NKAIN3: variants seen among roughly 807,000 people sequenced by gnomAD.
NKAIN3 encodes the protein sodium/potassium-transporting ATPase subunit beta-1-interacting protein 3.
In NKAIN3, 25 loss-of-function variants were observed where a neutral mutation model predicts 30.2. That is an observed-to-expected ratio of 0.83 (90% CI 0.60 to 1.16). The LOEUF is 1.16. NKAIN3 is among the 50% of genes most tolerant of loss of function. The pLI is 0.00. For missense variants in NKAIN3, 225 were observed against 254.1 expected, an observed-to-expected ratio of 0.89 and a Z score of 0.78; for synonymous variants, 91 against 89.6, an observed-to-expected ratio of 1.02 and a Z score of -0.09.
At position 62,715,254 on chromosome 8, in the gene NKAIN3, T is replaced by C. The variant is rs1385114323; in HGVS notation, c.274-31678T>C. Among the ~76,000 whole-genome samples the C allele has an allele frequency of 2.0e-5, 3 of 152,050 alleles. No individual in the cohort carries two copies. The East Asian group carries it at 5.8e-4, about 29-fold the overall frequency. On this transcript the variant is annotated intron_variant, in intron 3 of 6. Coordinates refer to ENST00000623646, the MANE Select transcript of NKAIN3 (RefSeq NM_001304533.3). ...ATTACAGTTCAATATGAGATTTGGG[T>C]GGGGACATAAATCGAAACCATATCA...
At chr8:62,644,688 T>C (rs763324765) in intron 3 of NKAIN3, among the ~76,000 whole-genome samples, 21 of 152,154 alleles carry the variant, frequency 1.4e-4, no homozygotes, top group South Asian at 1.0e-3. Context: ...TTATTGATTA[T>C]AAATATTGAC....
intron 5 of NKAIN3, among the ~76,000 whole-genome samples, chr8:62,941,580 C>T (rs1330448652): frequency 6.6e-6 from 1 of 152,042 alleles, no homozygotes; most frequent in Non-Finnish European, 1.5e-5. Flanking sequence ...GGGTTTCATA[C>T]CAGGGACACA....
chr8:62,388,979 A>T (rs1817510181), intron 1 of NKAIN3, among the ~76,000 whole-genome samples: 1 of 152,148 alleles, frequency 6.6e-6, no homozygotes, highest in Non-Finnish European at 1.5e-5. Context: ...TAAAAATGTA[A>T]AGAAGACCAG....
intron 1 of NKAIN3, among the ~76,000 whole-genome samples, chr8:62,378,541 C>T (rs1817169461): frequency 1.3e-5 from 2 of 152,176 alleles, no homozygotes; most frequent in Admixed American, 1.3e-4. Context: ...ATCCAGGGCA[C>T]CCCTGCTGTG....
chr8:62,967,644 T>A lies in NKAIN3; in HGVS notation c.*2237T>A, dbSNP rs1262947859. On this transcript the variant is annotated 3_prime_UTR_variant, in exon 7 of 7. Transcript: ENST00000623646. Reference sequence around the variant, plus strand: ...TTTAATTTAAAAATAACATTAATATTCAAGTTCCAAAACTAATGCCAATAA... The same window carrying A: ...TTTAATTTAAAAATAACATTAATATACAAGTTCCAAAACTAATGCCAATAA... Among the ~76,000 whole-genome samples, 2 of 152,136 alleles carry A rather than the reference T, an allele frequency of 1.3e-5. No individual in the cohort carries two copies. Among genetic ancestry groups the A allele is most frequent in the African/African-American group, 2.4e-5 (1 of 41,416 alleles).
intron 5 of NKAIN3, among the ~76,000 whole-genome samples, chr8:62,925,461 T>C (rs546928726): frequency 1.3e-5 from 2 of 152,210 alleles, no homozygotes; most frequent in African/African-American, 2.4e-5. Flanking sequence ...TGGCCCTATA[T>C]TATGCACTTA....
At chr8:62,930,038 T>C (rs1053723790) in intron 5 of NKAIN3, among the ~76,000 whole-genome samples, 3 of 152,194 alleles carry the variant, frequency 2.0e-5, no homozygotes, top group Admixed American at 6.5e-5. Context: ...GGAGAGCTTC[T>C]TTTCATTGTG....
intron 1 of NKAIN3, among the ~76,000 whole-genome samples, chr8:62,297,112 G>GT (rs1813854922): frequency 6.6e-6 from 1 of 151,694 alleles, no homozygotes; most frequent in South Asian, 2.1e-4. Flanking sequence ...TATTCTTCAC[G>GT]TGTCAGCCAT....
chr8:62,943,389 A>G (rs1036024946), intron 5 of NKAIN3, among the ~76,000 whole-genome samples: 1 of 152,164 alleles, frequency 6.6e-6, no homozygotes, highest in African/African-American at 2.4e-5. Context: ...TCAAAAAAGA[A>G]TAGATGTTGG....
intron 5 of NKAIN3, among the ~76,000 whole-genome samples, chr8:62,930,096 C>A (rs1822570885): frequency 6.6e-6 from 1 of 152,150 alleles, no homozygotes; most frequent in Non-Finnish European, 1.5e-5. Flanking sequence ...TTTAAGTGTA[C>A]AACTCAGTGG....
intron 1 of NKAIN3, among the ~76,000 whole-genome samples, chr8:62,257,865 A>G (rs982098624): frequency 1.3e-5 from 2 of 152,158 alleles, no homozygotes; most frequent in African/African-American, 2.4e-5. Context: ...CTCCATTTTA[A>G]TCAAATCATT....
chr8:62,319,699 A>G (rs1027948423), intron 1 of NKAIN3, among the ~76,000 whole-genome samples: 3 of 152,014 alleles, frequency 2.0e-5, no homozygotes, highest in African/African-American at 4.8e-5. Flanking sequence ...CTAAGAGACA[A>G]TTTATTATAA....
intron 4 of NKAIN3, among the ~76,000 whole-genome samples, chr8:62,790,830 A>G (rs1214517236): frequency 6.6e-6 from 1 of 152,042 alleles, no homozygotes; most frequent in African/African-American, 2.4e-5. Context: ...CTCCCATCAC[A>G]GATAACAGGG....
At chr8:62,919,227 A>AATTTT (rs1822200709) in intron 5 of NKAIN3, among the ~76,000 whole-genome samples, 2 of 47,186 alleles carry the variant, frequency 4.2e-5, no homozygotes, top group African/African-American at 1.8e-4. Flanking sequence ...TACTTTCAAA[A>AATTTT]TTTTTTTTTT....
chr8:62,415,423 A>AT (rs1804414330), intron 1 of NKAIN3, among the ~76,000 whole-genome samples: 2 of 150,010 alleles, frequency 1.3e-5, no homozygotes, highest in African/African-American at 4.9e-5. Context: ...CATTATTAGC[A>AT]TCATCATCAT....
chr8:62,515,884 A>G (rs1807969588), intron 1 of NKAIN3, among the ~76,000 whole-genome samples: 1 of 152,078 alleles, frequency 6.6e-6, no homozygotes, highest in Non-Finnish European at 1.5e-5. Flanking sequence ...ATATATTTAA[A>G]TTACTTGCTT....
At chr8:62,291,502 A>C (rs1377923796) in intron 1 of NKAIN3, among the ~76,000 whole-genome samples, 1 of 152,234 alleles carries the variant, frequency 6.6e-6, no homozygotes, top group Non-Finnish European at 1.5e-5. Context: ...TGCACCCAGT[A>C]GTCATGCAGG....
At chr8:62,917,910 C>A (rs972955247) in intron 4 of NKAIN3, among the ~76,000 whole-genome samples, 1 of 152,182 alleles carries the variant, frequency 6.6e-6, no homozygotes, top group African/African-American at 2.4e-5. Flanking sequence ...TTTATTTTAT[C>A]ACTACTGAAT....
intron 4 of NKAIN3, among the ~76,000 whole-genome samples, chr8:62,889,497 A>G (rs956907956): frequency 1.7e-4 from 26 of 152,232 alleles, no homozygotes; most frequent in African/African-American, 5.8e-4. Context: ...GAGAGATAGT[A>G]AATAGTAGAT....
Sources: gnomAD v4.1 joint callset for allele counts (sites outside exome capture counted in the v4.1 genomes callset) on GRCh38, gnomAD v4.1.1 for gene constraint, MANE v1.5 for transcripts, NCBI Gene and HGNC (gene_info 2026-07-23, HGNC 2026-07-21) for gene names.